Variants in PHACTR1 observed in about 807,000 individuals in gnomAD.
The protein encoded by PHACTR1 is RPEL repeat containing 1.
PHACTR1 carries 16 observed loss-of-function variants against 69.2 expected under a neutral mutation model. The ratio of observed to expected loss-of-function variants is 0.23; its 90% CI spans 0.16 to 0.35. The LOEUF (loss-of-function observed/expected upper bound fraction) is 0.35. Ranked by LOEUF, PHACTR1 falls within the 10% of genes least tolerant of loss-of-function variation. The pLI, the probability that PHACTR1 is intolerant of heterozygous loss-of-function variation, is 1.00. For missense variants in PHACTR1, 510 were observed against 734.7 expected, an observed-to-expected ratio of 0.69 and a Z score of 3.54; for synonymous variants, 312 against 284.5, an observed-to-expected ratio of 1.10 and a Z score of -0.97.
intron 4 of PHACTR1, among the ~76,000 whole-genome samples, chr6:12,945,134 A>G (rs1189165989): frequency 6.6e-6 from 1 of 152,178 alleles, no homozygotes. Context: ...TCATACGAGC[A>G]GTTGCCCCTG....
At chr6:13,190,076 T>G (rs1285369271) in intron 7 of PHACTR1, among the ~76,000 whole-genome samples, 2 of 148,540 alleles carry the variant, frequency 1.3e-5, no homozygotes, top group African/African-American at 5.0e-5. Context: ...CAGGCTAGAG[T>G]GCAGTGGCAT....
At chr6:12,974,185 G>C (rs1247910053) in intron 4 of PHACTR1, among the ~76,000 whole-genome samples, 4 of 152,152 alleles carry the variant, frequency 2.6e-5, no homozygotes, top group African/African-American at 9.7e-5. Context: ...CTTGCAAAGT[G>C]CTGGGATTAC....
At chr6:13,109,064 A>C (rs1816604526) in intron 5 of PHACTR1, among the ~76,000 whole-genome samples, 1 of 151,986 alleles carries the variant, frequency 6.6e-6, no homozygotes, top group African/African-American at 2.4e-5. Flanking sequence ...TGTATGTGTA[A>C]TATCAGTGCC....
chr6:12,997,044 A>G (rs2127616013), intron 4 of PHACTR1, among the ~76,000 whole-genome samples: 1 of 152,124 alleles, frequency 6.6e-6, no homozygotes, highest in East Asian at 1.9e-4. Flanking sequence ...GCATGCCTGT[A>G]ATCCCAGCTA....
intron 10 of PHACTR1, among the ~76,000 whole-genome samples, chr6:13,239,761 A>AACTCTTG (rs1472131587): frequency 2.6e-5 from 4 of 152,168 alleles, no homozygotes; most frequent in Non-Finnish European, 4.4e-5. Context: ...GCAAAGACTG[A>AACTCTTG]ACTCTTGACA....
intron 5 of PHACTR1, among the ~76,000 whole-genome samples, chr6:13,057,777 A>G (rs1485506217): frequency 6.6e-6 from 1 of 152,204 alleles, no homozygotes; most frequent in Non-Finnish European, 1.5e-5. Flanking sequence ...CAACGATTAC[A>G]TGGATGTTTT....
chr6:12,903,270 A>C (rs530520230), intron 4 of PHACTR1, among the ~76,000 whole-genome samples: 4 of 152,336 alleles, frequency 2.6e-5, no homozygotes, highest in African/African-American at 7.2e-5. Flanking sequence ...TATAAGGCAC[A>C]AAGCAACTGT....
chr6:13,237,437 C>G (rs1317426860), intron 10 of PHACTR1, among the ~76,000 whole-genome samples: 1 of 152,094 alleles, frequency 6.6e-6, no homozygotes, highest in Non-Finnish European at 1.5e-5. Flanking sequence ...CCCAATGACT[C>G]CATCTCAGTT....
intron 4 of PHACTR1, among the ~76,000 whole-genome samples, chr6:12,917,702 T>C (rs560818504): frequency 7.4e-4 from 113 of 152,114 alleles, no homozygotes; most frequent in African/African-American, 2.6e-3. Context: ...TTACAGTGAA[T>C]TACGACTGTG....
At chr6:12,784,139 A>G (rs1377886935) in intron 4 of PHACTR1, among the ~76,000 whole-genome samples, 1 of 152,104 alleles carries the variant, frequency 6.6e-6, no homozygotes, top group Non-Finnish European at 1.5e-5. Context: ...ATGCACATAT[A>G]CATATGTATC....
intron 4 of PHACTR1, among the ~76,000 whole-genome samples, chr6:13,037,704 G>A (rs1410505598): frequency 6.6e-6 from 1 of 152,204 alleles, no homozygotes; most frequent in Non-Finnish European, 1.5e-5. Context: ...CCCATTGGGG[G>A]ATTCATAGAG....
chr6:12,960,067 T>A (rs1014532617), intron 4 of PHACTR1, among the ~76,000 whole-genome samples: 8 of 152,204 alleles, frequency 5.3e-5, no homozygotes, highest in Non-Finnish European at 8.8e-5. Flanking sequence ...TTTTTTTAGT[T>A]CGGTTGACTG....
At chr6:13,200,218 CT>C (rs35273566) in intron 7 of PHACTR1, among the ~76,000 whole-genome samples, 26 of 149,402 alleles carry the variant, frequency 1.7e-4, no homozygotes, top group African/African-American at 6.4e-4. Flanking sequence ...TGGGAAGAAT[CT>C]TTTTTTTTTG....
Position 12,998,581 on chromosome 6 carries a change from A to G in PHACTR1, c.251-54784A>G, listed in dbSNP as rs1345302683. 8.8e-5 allele frequency among the ~76,000 whole-genome samples: 13 copies of G among 148,370 alleles called. No homozygotes were observed. The East Asian group carries it at 2.4e-3, about 27-fold the overall frequency. ...CTATGAGCTATGATATTGCCACTGC[A>G]CTCTGGCCTGGGCGACACAGCAAGA... On this transcript the variant is annotated intron_variant, in intron 4 of 14. Transcript: ENST00000332995.
At chr6:12,842,882 T>G (rs530924374) in intron 4 of PHACTR1, among the ~76,000 whole-genome samples, 1 of 152,260 alleles carries the variant, frequency 6.6e-6, no homozygotes, top group East Asian at 1.9e-4. Flanking sequence ...AAATCAACAT[T>G]AATGTAATGT....
chr6:12,753,943 A>ACT (rs1766926561), intron 4 of PHACTR1, among the ~76,000 whole-genome samples: 1 of 86,274 alleles, frequency 1.2e-5, no homozygotes, highest in Non-Finnish European at 2.2e-5. Context: ...GCAAGTTGTA[A>ACT]ATATATATAT....
intron 5 of PHACTR1, among the ~76,000 whole-genome samples, chr6:13,057,831 G>C (rs1210933772): frequency 6.6e-6 from 1 of 152,170 alleles, no homozygotes; most frequent in Non-Finnish European, 1.5e-5. Flanking sequence ...CATCCTTCCT[G>C]TTCTAAGCTG....
intron 4 of PHACTR1, among the ~76,000 whole-genome samples, chr6:13,038,109 A>AT (rs1803596421): frequency 6.6e-6 from 1 of 152,140 alleles, no homozygotes; most frequent in African/African-American, 2.4e-5. Context: ...TAATTCAGAT[A>AT]TTTTTCCAAA....
chr6:12,874,269 ACT>A (rs1229215378), intron 4 of PHACTR1, among the ~76,000 whole-genome samples: 1 of 152,094 alleles, frequency 6.6e-6, no homozygotes, highest in Non-Finnish European at 1.5e-5. Context: ...ATCTAGAGAA[ACT>A]CTGGATCCTC....
Sources: allele counts gnomAD v4.1 joint callset (sites outside exome capture counted in the v4.1 genomes callset), GRCh38; gene constraint gnomAD v4.1.1; transcripts MANE v1.5; gene names NCBI Gene and HGNC (gene_info 2026-07-23, HGNC 2026-07-21).